Variants in MISP observed in about 807,000 individuals in gnomAD.
MISP encodes the protein mitotic spindle positioning, also known as mitotic interactor and substrate of PLK1.
In MISP, 51 loss-of-function variants were observed where a neutral mutation model predicts 49.3. That is an observed-to-expected ratio of 1.03 (90% confidence interval 0.83 to 1.31). MISP has a LOEUF of 1.31. Ranked by LOEUF, MISP falls within the 50% of genes most tolerant of loss-of-function variation. The pLI is 0.00. For missense variants in MISP, 1,084 were observed against 935.1 expected (o/e 1.16, Z -2.08); for synonymous variants, 444 against 392.6 (o/e 1.13, Z -1.55).
intron 1 of MISP, among the ~76,000 whole-genome samples, chr19:755,284 C>T (rs192315035): frequency 2.8e-4 from 43 of 152,322 alleles, no homozygotes; most frequent in African/African-American, 1.0e-3. Context: ...GGGTGTCACC[C>T]GCTCGCTCCA....
intron 1 of MISP, among the ~76,000 whole-genome samples, chr19:753,107 G>A (rs2033484862): frequency 6.6e-6 from 1 of 152,226 alleles, no homozygotes; most frequent in South Asian, 2.1e-4. Context: ...CGTGAGCTGG[G>A]CAGGCGGCGT....
At chr19:748,561 C>T (rs1016222291), upstream of MISP, among the ~76,000 whole-genome samples, 13 of 152,142 alleles carry the variant, frequency 8.5e-5, no homozygotes, top group Non-Finnish European at 1.6e-4. Flanking sequence ...GCAGGACTGG[C>T]TTCCCGGGGG....
rs564259596 is a variant in MISP at position 752,003 on chromosome 19, G to T, written c.-58+832G>T. Among the ~76,000 whole-genome samples the T allele has an allele frequency of 6.9e-4, 105 of 152,286 alleles. 1 individual carries two copies. The highest frequency in any genetic ancestry group is 2.4e-3 in the African/African-American group (99 of 41,564). On this transcript the variant is annotated intron_variant, in intron 1 of 4. Coordinates refer to ENST00000215582, the MANE Select transcript of MISP (RefSeq NM_173481.4). ...CATTCTGGTATCAACAGAGTTCAGG[G>T]TGAGGCTGGGAGGAGCAACCCAGGG...
chr19:750,238 C>T (rs1250971443), upstream of MISP, among the ~76,000 whole-genome samples: 1 of 137,540 alleles, frequency 7.3e-6, no homozygotes, highest in Non-Finnish European at 1.5e-5. Context: ...TTGCTCTTGT[C>T]GCCCAGGCTG....
chr19:760,241 G>A (rs942030297), intron 3 of MISP, among the ~76,000 whole-genome samples: 4 of 151,896 alleles, frequency 2.6e-5, no homozygotes, highest in African/African-American at 7.3e-5. Context: ...TGCTTGGAGA[G>A]GCCATATAAG....
At chr19:750,151 C>T (rs1035642511), upstream of MISP, among the ~76,000 whole-genome samples, 186 of 150,384 alleles carry the variant, frequency 1.2e-3, no homozygotes, top group African/African-American at 4.3e-3. Flanking sequence ...CCCCATCTCT[C>T]GGGGTGGCCT....
upstream of MISP, among the ~76,000 whole-genome samples, chr19:749,699 T>C (rs1197663531): frequency 6.6e-6 from 1 of 152,074 alleles, no homozygotes; most frequent in Non-Finnish European, 1.5e-5. Context: ...GCGTGGTGGC[T>C]CATGCCAGTA....
chr19:758,847 T>TGAACAGTCAG, intron 2 of MISP, 121 bp downstream of exon 2: 1 of 724,774 alleles, frequency 1.4e-6, no homozygotes, highest in Non-Finnish European at 2.3e-6. Context: ...CATTGCCTCC[T>TGAACAGTCAG]GACTGTTCAT....
chr19:757,247 G>T lies in MISP; in HGVS notation c.301G>T (p.Asp101Tyr), dbSNP rs2033566271. 1 of 1,613,782 alleles carries T rather than the reference G, an allele frequency of 6.2e-7. No homozygotes were observed. The highest frequency in any genetic ancestry group is 1.7e-5 in the Admixed American group (1 of 60,012). ...GWQVYRLGAR[D>Y]AHQGRPTWAL... ...GCAGGTTTACCGCCTGGGCGCCAGGGATGCCCACCAGGGACGTCCAACATG... is the reference window on the plus strand; with the variant it reads ...GCAGGTTTACCGCCTGGGCGCCAGGTATGCCCACCAGGGACGTCCAACATG... Residue 101 changes from aspartate to tyrosine, a missense_variant, in exon 2 of 5, where the codon GAT (aspartate) becomes TAT (tyrosine). Physicochemically the swap from Asp to Tyr is radical, Grantham distance 160 (BLOSUM62 -3). Coordinates refer to ENST00000215582, the MANE Select transcript of MISP (RefSeq NM_173481.4).
Position 763,661 on chromosome 19 carries a change from C to T in MISP, c.*71C>T, listed in dbSNP as rs1163851988. Reference sequence around the variant, plus strand: ...GGGAACTGCCAAGACCATCGCCAAGCCCCCACCCTAGGAAATGGGTCCTAG... The same window carrying T: ...GGGAACTGCCAAGACCATCGCCAAGTCCCCACCCTAGGAAATGGGTCCTAG... On this transcript the variant is annotated 3_prime_UTR_variant, in exon 5 of 5. Coordinates refer to ENST00000215582, the MANE Select transcript of MISP (RefSeq NM_173481.4). 4.4e-6 allele frequency: 5 copies of T among 1,131,860 alleles called. No individual in the cohort carries two copies. In the African/African-American group the frequency reaches 7.7e-5, roughly 17 times the overall value. The allele number at this position is 1,131,860 out of a possible 1,614,324, so 70.1% of individuals were successfully genotyped here. A position where few individuals can be genotyped will look rare whatever the true frequency, so the allele number is the denominator to read the frequency against.
chr19:749,824 C>CA (rs775414369), upstream of MISP, among the ~76,000 whole-genome samples: 475 of 144,984 alleles, frequency 3.3e-3, 1 homozygote, highest in Non-Finnish European at 5.6e-3. Flanking sequence ...GACTCCGTCT[C>CA]AAAAAAAAAA....
chr19:750,339 A>G (rs952509928), upstream of MISP, among the ~76,000 whole-genome samples: 2 of 151,774 alleles, frequency 1.3e-5, no homozygotes, highest in Non-Finnish European at 2.9e-5. Context: ...AGCTGGGATT[A>G]TAATAGCGTG....
chr19:760,707 G>A lies in MISP; in HGVS notation c.1911+668G>A, dbSNP rs573654487. Among the ~76,000 whole-genome samples the A allele has an allele frequency of 2.0e-5, 3 of 150,856 alleles. No homozygotes were observed. In the Admixed American group the frequency reaches 2.0e-4, roughly 10 times the overall value. ...AGAAAGAGAGAGAGAGAGAGAGAAG[G>A]CAGGAGGGAGGGAGGGATGGAGGGA... is the stretch of plus-strand genomic sequence containing the variant. On this transcript the variant is annotated intron_variant, in intron 3 of 4. Coordinates refer to ENST00000215582, the MANE Select transcript of MISP (RefSeq NM_173481.4).
intron 1 of MISP, among the ~76,000 whole-genome samples, chr19:751,424 G>C (rs1043989494): frequency 6.6e-6 from 1 of 152,158 alleles, no homozygotes; most frequent in African/African-American, 2.4e-5. Context: ...CCTTGTCCCT[G>C]AACTCTGCTG....
At chr19:756,432 G>C (rs997943276) in intron 1 of MISP, among the ~76,000 whole-genome samples, 2 of 152,168 alleles carry the variant, frequency 1.3e-5, no homozygotes, top group African/African-American at 2.4e-5. Context: ...ATCAGGATGA[G>C]TCACTTACCC....
Position 757,132 on chromosome 19 carries a change from G to A in MISP, c.186G>A (p.Gln62=). 3.1e-6 allele frequency: 5 copies of A among 1,613,278 alleles called. No homozygotes were observed. The highest frequency in any genetic ancestry group is 4.2e-6 in the Non-Finnish European group (5 of 1,179,880). ...PTDHRAQQGV[Q]RQGVSYSVHA... is the part of the protein sequence containing the mutation. ...ACCACAGGGCCCAGCAGGGCGTGCA[G>A]AGGCAGGGGGTGTCCTACAGCGTGC... is the stretch of plus-strand genomic sequence containing the variant. Residue 62 remains glutamine (Q), a synonymous_variant, in exon 2 of 5, where the codon CAG becomes CAA. Coordinates refer to ENST00000215582, the MANE Select transcript of MISP (RefSeq NM_173481.4).
intron 1 of MISP, among the ~76,000 whole-genome samples, chr19:754,147 T>C (rs1237947482): frequency 1.3e-5 from 2 of 151,764 alleles, no homozygotes; most frequent in African/African-American, 2.4e-5. Context: ...GTGAAACCCG[T>C]CTCTACTAAC....
intron 1 of MISP, among the ~76,000 whole-genome samples, chr19:753,322 T>A (rs189333454): frequency 1.4e-3 from 212 of 152,282 alleles, no homozygotes; most frequent in African/African-American, 4.8e-3. Flanking sequence ...GTCTCTCCAC[T>A]TTATGCTGTT....
At chr19:756,263 A>T (rs117640137) in intron 1 of MISP, among the ~76,000 whole-genome samples, 3 of 152,180 alleles carry the variant, frequency 2.0e-5, no homozygotes, top group Admixed American at 1.3e-4. Context: ...CATTAATTGT[A>T]AAGTCCCAGG....
Sources: gnomAD v4.1 joint callset for allele counts (sites outside exome capture counted in the v4.1 genomes callset) on GRCh38, gnomAD v4.1.1 for gene constraint, MANE v1.5 for transcripts, NCBI Gene and HGNC (gene_info 2026-07-23, HGNC 2026-07-21) for gene names.